The following PKHD1L1 variants were observed in gnomAD, a reference collection of about 807,000 sequenced individuals.
The protein encoded by PKHD1L1 is PKHD1 like 1, also known as fibrocystin-L.
Under a neutral mutation model 462.9 loss-of-function variants are expected in PKHD1L1, and 434 were observed. The observed-to-expected ratio is 0.94, with a 90% CI of 0.87 to 1.02. PKHD1L1 has a LOEUF of 1.02. PKHD1L1 is among the 50% of genes least tolerant of loss of function. The pLI, the probability that PKHD1L1 is intolerant of heterozygous loss-of-function variation, is 0.00. For synonymous variants in PKHD1L1, 1,781 were observed against 1,750.0 expected (o/e 1.02, Z -0.44); for missense variants, 5,202 against 5,096.1 (o/e 1.02, Z -0.63).
chr8:109,423,980 T>A (rs1186105327), intron 23 of PKHD1L1, among the ~76,000 whole-genome samples: 1 of 152,194 alleles, frequency 6.6e-6, no homozygotes, highest in Non-Finnish European at 1.5e-5. Flanking sequence ...TGTAATTGAT[T>A]TTTGTGTCTT....
chr8:109,490,865 A>G, intron 60 of PKHD1L1, 107 bp from the exon 61 acceptor site: 1 of 970,594 alleles, frequency 1.0e-6, no homozygotes, highest in East Asian at 2.8e-5. Context: ...TGAATTGAGT[A>G]TTGATTATTG....
At chr8:109,406,887 G>C (rs993956043) in intron 17 of PKHD1L1, among the ~76,000 whole-genome samples, 1 of 151,370 alleles carries the variant, frequency 6.6e-6, no homozygotes, top group African/African-American at 2.4e-5. Context: ...GATTGACAGA[G>C]CTCATTGGAA....
At chr8:109,493,585 G>T (rs761843906) in intron 62 of PKHD1L1, 76 bp from the exon 63 acceptor site, 4 of 907,792 alleles carry the variant, frequency 4.4e-6, no homozygotes, top group African/African-American at 3.4e-5. Context: ...TAAGTGTATT[G>T]TCATATACTT....
At chr8:109,375,164 A>T (rs1326509332) in intron 2 of PKHD1L1, among the ~76,000 whole-genome samples, 4 of 152,080 alleles carry the variant, frequency 2.6e-5, no homozygotes, top group Non-Finnish European at 2.9e-5. Flanking sequence ...TGGTCTTTTC[A>T]CATAGTCCCA....
chr8:109,441,956 A>G (rs188093455), intron 34 of PKHD1L1, 51 bp from the exon 35 acceptor site: 255 of 1,428,520 alleles, frequency 1.8e-4, no homozygotes, highest in Middle Eastern at 1.5e-3. Context: ...AAAGATAATT[A>G]TTAAGAAATT....
chr8:109,483,870 A>G (rs1036749006), intron 57 of PKHD1L1, among the ~76,000 whole-genome samples: 1 of 151,854 alleles, frequency 6.6e-6, no homozygotes, highest in African/African-American at 2.4e-5. Context: ...ATATTTTAAT[A>G]AAGTATAAAT....
chr8:109,445,644 A>ATACTT lies in PKHD1L1; in HGVS notation c.5775_5776insTACTT (p.Gly1926TyrfsTer25). ...TTCTCAGAGGAATTATCCCAAGCAGAGGTACTCCAATATCTGCCTTATTAT... is the reference window on the plus strand; with the variant it reads ...TTCTCAGAGGAATTATCCCAAGCAGATACTTGGTACTCCAATATCTGCCTTATTAT... On this transcript the variant is annotated frameshift_variant and splice_region_variant, in exon 38 of 78. Coordinates refer to ENST00000378402, the MANE Select transcript of PKHD1L1 (RefSeq NM_177531.6). LOFTEE classifies it high-confidence loss of function. The ATACTT allele has an allele frequency of 6.3e-7, 1 of 1,597,934 alleles. No individual in the cohort carries two copies. Among genetic ancestry groups the ATACTT allele is most frequent in the South Asian group, 1.1e-5 (1 of 89,786 alleles).
intron 37 of PKHD1L1, 77 bp from the exon 38 acceptor site, chr8:109,444,584 G>T: frequency 1.5e-6 from 2 of 1,326,840 alleles, no homozygotes; most frequent in South Asian, 1.6e-5. Context: ...AAAATTTGTA[G>T]TTGTTGCTAA....
chr8:109,399,431 G>A (rs931954088), intron 12 of PKHD1L1, among the ~76,000 whole-genome samples: 2 of 152,022 alleles, frequency 1.3e-5, no homozygotes, highest in African/African-American at 4.8e-5. Flanking sequence ...AAAAAAAAGA[G>A]AGATGGCTCT....
chr8:109,510,906 T>C lies in PKHD1L1; in HGVS notation c.11525T>C (p.Leu3842Pro). The C allele has an allele frequency of 6.2e-7, 1 of 1,613,148 alleles. No individual in the cohort carries two copies. The highest frequency in any genetic ancestry group is 8.5e-7 in the Non-Finnish European group (1 of 1,179,380). Residue 3842 changes from leucine to proline, a missense_variant, in exon 71 of 78, where the codon CTG becomes CCG. Coordinates refer to ENST00000378402, the MANE Select transcript of PKHD1L1 (RefSeq NM_177531.6). ...FTGTSPQNLR[L>P]MLLNVDHNKA... ...GGCACCAGTCCTCAGAATCTTCGAC[T>C]GATGTTGCTTAATGTTGATCATAAC... is the stretch of plus-strand genomic sequence containing the variant.
intron 9 of PKHD1L1, among the ~76,000 whole-genome samples, chr8:109,393,178 G>A (rs1444324803): frequency 2.0e-5 from 3 of 151,754 alleles, no homozygotes; most frequent in African/African-American, 7.3e-5. Context: ...AATTTCTTAA[G>A]TAACTAATCT....
chr8:109,522,928 T>G (rs1420823091), intron 75 of PKHD1L1, 38 bp downstream of exon 75: 2 of 1,538,710 alleles, frequency 1.3e-6, no homozygotes, highest in African/African-American at 1.4e-5. Context: ...AGTGAAGGAA[T>G]TAAGCTACAA....
In PKHD1L1 at chr8:109,520,678, C is replaced by T. The variant is rs1820503700; in HGVS notation, c.12032-1508C>T. Among the ~76,000 whole-genome samples, 8 of 152,138 alleles carry T rather than the reference C, an allele frequency of 5.3e-5. No individual in the cohort carries two copies. In the South Asian group the frequency reaches 1.4e-3, roughly 28 times the overall value. On this transcript the variant is annotated intron_variant, in intron 73 of 77. Transcript: ENST00000378402. The stretch of plus-strand genomic sequence containing the variant: ...CAAGAAAGATGTTCATGTAGTTGTA[C>T]TCCTGGCTCCTTATAGCTTTTATAT...
At chr8:109,485,881 A>G in intron 58 of PKHD1L1, among the ~76,000 whole-genome samples, 1 of 152,142 alleles carries the variant, frequency 6.6e-6, no homozygotes, top group Non-Finnish European at 1.5e-5. Flanking sequence ...ATAATTCTAT[A>G]TCATATATTT....
At chr8:109,369,106 G>T (rs1286813661) in intron 2 of PKHD1L1, among the ~76,000 whole-genome samples, 2 of 151,930 alleles carry the variant, frequency 1.3e-5, no homozygotes, top group African/African-American at 4.8e-5. Context: ...AGCCTCCCAA[G>T]TAGCAGGGTT....
intron 2 of PKHD1L1, among the ~76,000 whole-genome samples, chr8:109,375,313 T>G (rs1342644512): frequency 6.6e-6 from 1 of 152,240 alleles, no homozygotes; most frequent in African/African-American, 2.4e-5. Flanking sequence ...GGCTTGTGCA[T>G]TTGTCACGTA....
At chr8:109,504,601 A>G (rs1406130891) in intron 68 of PKHD1L1, 109 bp downstream of exon 68, 1 of 591,960 alleles carries the variant, frequency 1.7e-6, no homozygotes, top group African/African-American at 2.0e-5. Flanking sequence ...GCCAGTTTTT[A>G]TGATACTTTA....
chr8:109,447,012 T>C (rs1290552851), intron 38 of PKHD1L1, among the ~76,000 whole-genome samples: 1 of 152,118 alleles, frequency 6.6e-6, no homozygotes, highest in Non-Finnish European at 1.5e-5. Flanking sequence ...TTGCCTGAGC[T>C]CAGGAGTTCG....
At position 109,461,919 on chromosome 8, in the gene PKHD1L1, T is replaced by C; in HGVS notation, c.7383+11T>C. On this transcript the variant is annotated intron_variant, in intron 48 of 77. Transcript: ENST00000378402. ...ATAGAATATGTAGAGGTGAGAGGCATTATTACTAAATCACAGTGGTTTGCT... is the reference window on the plus strand; with the variant it reads ...ATAGAATATGTAGAGGTGAGAGGCACTATTACTAAATCACAGTGGTTTGCT... 2.5e-6 allele frequency: 4 copies of C among 1,590,378 alleles called. No homozygotes were observed. The highest frequency in any genetic ancestry group is 3.4e-6 in the Non-Finnish European group (4 of 1,167,362).
Sources: gnomAD v4.1 joint callset for allele counts (sites outside exome capture counted in the v4.1 genomes callset) on GRCh38, gnomAD v4.1.1 for gene constraint, MANE v1.5 for transcripts, NCBI Gene and HGNC (gene_info 2026-07-23, HGNC 2026-07-21) for gene names.